Variants in TEX11 observed in about 807,000 individuals in gnomAD.
The protein encoded by TEX11 is testis expressed 11, also known as testis-expressed protein 11.
In TEX11, 7 loss-of-function variants were observed where a neutral mutation model predicts 84.4. That is an observed-to-expected ratio of 0.08 (90% confidence interval 0.05 to 0.16). The LOEUF is 0.16. TEX11 is among the 10% of genes least tolerant of loss of function. TEX11 has a pLI of 1.00. For synonymous variants in TEX11, 264 were observed against 222.8 expected, an observed-to-expected ratio of 1.18 and a Z score of -1.64; for missense variants, 551 against 660.5, an observed-to-expected ratio of 0.83 and a Z score of 1.82.
intron 9 of TEX11, among the ~76,000 whole-genome samples, chrX:70,749,517 C>T (rs768928132): frequency 9.3e-6 from 1 of 107,612 alleles, no homozygotes; most frequent in South Asian, 4.3e-4. Flanking sequence ...AAAGGGAATG[C>T]TTCCAGTGTT....
intron 2 of TEX11, among the ~76,000 whole-genome samples, chrX:70,885,449 T>C (rs1322538782): frequency 9.0e-6 from 1 of 111,375 alleles, no homozygotes; most frequent in Non-Finnish European, 1.9e-5. Context: ...TATTTTAAAG[T>C]ACCAAAAATT....
chrX:70,582,751 TTTATTTATTTA>T (rs1418058879), intron 25 of TEX11, among the ~76,000 whole-genome samples: 14 of 74,141 alleles, frequency 1.9e-4, no homozygotes, highest in Admixed American at 5.6e-4. Context: ...TATTTATTTA[TTTATTTATTTA>T]TGTGATGGAA....
intron 28 of TEX11, among the ~76,000 whole-genome samples, chrX:70,530,439 A>G (rs902815385): frequency 2.7e-5 from 3 of 112,010 alleles, no homozygotes; most frequent in Non-Finnish European, 5.6e-5. Flanking sequence ...TAGAAATTAT[A>G]TTCATCTTCA....
At position 70,628,768 on chromosome X, in the gene TEX11, T is replaced by C. The variant is rs2089477044; in HGVS notation, c.1608+843A>G. Among the ~76,000 whole-genome samples, 6 of 111,954 alleles carry C rather than the reference T, an allele frequency of 5.4e-5. No homozygotes were observed. In the Admixed American group the frequency reaches 5.7e-4, roughly 11 times the overall value. ...GTATTTGGCAGATGCAGATATGGAATGTATTTGTGCAGAATGGGGAAGAAG... is the reference window on the plus strand; with the variant it reads ...GTATTTGGCAGATGCAGATATGGAACGTATTTGTGCAGAATGGGGAAGAAG... On this transcript the variant is annotated intron_variant, in intron 18 of 29. Transcript: ENST00000374333.
chrX:70,525,298 C>T (rs1738867801), downstream of TEX11, among the ~76,000 whole-genome samples: 1 of 111,408 alleles, frequency 9.0e-6, no homozygotes, highest in South Asian at 3.8e-4. Context: ...TTGGAAGTAC[C>T]AGGCAGGCCA....
chrX:70,664,056 T>C (rs2089955252), intron 16 of TEX11, among the ~76,000 whole-genome samples: 1 of 112,340 alleles, frequency 8.9e-6, no homozygotes, highest in African/African-American at 3.2e-5. Flanking sequence ...CTATGTTGTA[T>C]TGCTATTTTC....
intron 13 of TEX11, among the ~76,000 whole-genome samples, chrX:70,716,923 A>G (rs925038409): frequency 2.7e-5 from 3 of 112,290 alleles, no homozygotes; most frequent in South Asian, 3.7e-4. Context: ...TCTTGGCTCC[A>G]CCTCCAATTA....
chrX:70,591,785 T>C lies in TEX11; in HGVS notation c.2106A>G (p.Thr702=), dbSNP rs780367350. 1.2e-5 allele frequency: 14 copies of C among 1,208,770 alleles called. No individual in the cohort carries two copies. Among genetic ancestry groups the C allele is most frequent in the Non-Finnish European group, 1.5e-5 (13 of 894,402 alleles). ...TCAGGAAATTATGGATGTCATTGCA[T>C]GTCTGGATCTCCTCAAGTGCACGAC... The part of the protein sequence containing the change: ...FLSRALEEIQ[T]CNDIHNFLKQ... The change falls in exon 25 of 30, where the codon ACA becomes ACG. Residue 702 remains threonine (T), a synonymous_variant. Coordinates refer to ENST00000374333, the MANE Select transcript of TEX11 (RefSeq NM_031276.3).
chrX:70,849,083 G>A (rs184931452), intron 7 of TEX11, among the ~76,000 whole-genome samples: 141 of 112,409 alleles, frequency 1.3e-3, no homozygotes, highest in African/African-American at 4.3e-3. Context: ...CACCTTGCAA[G>A]TGGATATAGG....
intron 9 of TEX11, among the ~76,000 whole-genome samples, chrX:70,793,098 G>A (rs1034304122): frequency 9.0e-6 from 1 of 111,211 alleles, no homozygotes; most frequent in African/African-American, 3.3e-5. Context: ...AAAACCACAT[G>A]ATCATCTCTA....
chrX:70,674,026 T>C (rs1703762784), intron 15 of TEX11, among the ~76,000 whole-genome samples: 1 of 111,981 alleles, frequency 8.9e-6, no homozygotes, highest in South Asian at 3.7e-4. Flanking sequence ...CCAATAGTTA[T>C]CTTTTCTGCT....
At chrX:70,725,367 A>T in intron 11 of TEX11, 24 bp from the exon 12 acceptor site, 1 of 1,075,484 alleles carries the variant, frequency 9.3e-7, no homozygotes, top group Non-Finnish European at 1.3e-6. Context: ...AGAAATCACA[A>T]TGATATTAAA....
intron 16 of TEX11, among the ~76,000 whole-genome samples, chrX:70,662,928 G>C (rs1203616214): frequency 2.7e-5 from 3 of 111,220 alleles, no homozygotes; most frequent in African/African-American, 9.8e-5. Flanking sequence ...CCATGGTAGT[G>C]GGTAAATTTG....
chrX:70,759,315 A>G (rs1396413684), intron 9 of TEX11, among the ~76,000 whole-genome samples: 2 of 111,648 alleles, frequency 1.8e-5, no homozygotes, highest in Non-Finnish European at 3.8e-5. Flanking sequence ...GACACAACAA[A>G]AAAACAGAAT....
chrX:70,705,320 C>G (rs1303374651), intron 13 of TEX11, among the ~76,000 whole-genome samples: 1 of 111,367 alleles, frequency 9.0e-6, no homozygotes, highest in Non-Finnish European at 1.9e-5. Context: ...TAGTTTTTTC[C>G]AATTCTGTGA....
chrX:70,820,481 A>G (rs1362244575), intron 8 of TEX11, among the ~76,000 whole-genome samples: 2 of 112,426 alleles, frequency 1.8e-5, no homozygotes, highest in Non-Finnish European at 3.8e-5. Flanking sequence ...TAAGTAATTT[A>G]TAAAGAAAAG....
intron 24 of TEX11, among the ~76,000 whole-genome samples, chrX:70,603,341 G>A (rs1205310007): frequency 9.6e-5 from 9 of 93,389 alleles, no homozygotes; most frequent in Non-Finnish European, 1.7e-4. Flanking sequence ...CATGGTACTG[G>A]TACCAAAACA....
chrX:70,624,919 T>C lies in TEX11; in HGVS notation c.1614A>G (p.Gly538=), dbSNP rs1414499494. ...SLAAQFALEN[G]QQIVAEKALE... is the part of the protein sequence containing the mutation. Reference sequence around the variant, plus strand: ...AAGCTTTTTCTGCCACAATTTGTTGTCCATTCTAAAAAGAACAAATATAAT... The same window carrying C: ...AAGCTTTTTCTGCCACAATTTGTTGCCCATTCTAAAAAGAACAAATATAAT... Residue 538 remains glycine, a synonymous_variant, in exon 19 of 30, where the codon GGA becomes GGG. Coordinates refer to ENST00000374333, the MANE Select transcript of TEX11 (RefSeq NM_031276.3). 2 of 1,199,756 alleles carry C rather than the reference T, an allele frequency of 1.7e-6. No homozygotes were observed. The highest frequency in any genetic ancestry group is 2.3e-6 in the Non-Finnish European group (2 of 886,235).
intron 2 of TEX11, among the ~76,000 whole-genome samples, chrX:70,893,596 A>G (rs1378161495): frequency 1.8e-5 from 2 of 111,938 alleles, no homozygotes; most frequent in African/African-American, 6.5e-5. Context: ...GGAAATTTAT[A>G]GTACTAAGTG....
Sources: gnomAD v4.1 joint callset for allele counts (sites outside exome capture counted in the v4.1 genomes callset) on GRCh38, gnomAD v4.1.1 for gene constraint, MANE v1.5 for transcripts, NCBI Gene and HGNC (gene_info 2026-07-23, HGNC 2026-07-21) for gene names.